NEK1: variants seen among roughly 807,000 people sequenced by gnomAD.
The protein encoded by NEK1 is serine/threonine-protein kinase Nek1.
NEK1 carries 137 observed loss-of-function variants against 182.1 expected under a neutral mutation model. The observed-to-expected ratio is 0.75, with a 90% confidence interval of 0.65 to 0.87. NEK1 has a LOEUF of 0.87. NEK1 is among the 40% of genes least tolerant of loss of function. The pLI is 0.00. For missense variants in NEK1, 1,391 were observed against 1,494.4 expected, an observed-to-expected ratio of 0.93 and a Z score of 1.14; for synonymous variants, 513 against 492.2, an observed-to-expected ratio of 1.04 and a Z score of -0.56.
chr4:169,443,639 C>T (rs1739961081), intron 27 of NEK1, among the ~76,000 whole-genome samples: 1 of 151,712 alleles, frequency 6.6e-6, no homozygotes, highest in Non-Finnish European at 1.5e-5. Flanking sequence ...GAAAATTTCC[C>T]AAGCCTTGTA....
At position 169,477,116 on chromosome 4, in the gene NEK1, A is replaced by C. The variant is rs768588839; in HGVS notation, c.2434+8T>G. The C allele has an allele frequency of 2.6e-6, 4 of 1,558,518 alleles. No individual in the cohort carries two copies. In the South Asian group the frequency reaches 4.7e-5, roughly 18 times the overall value. ...CTAAATAGGATATTAATATACTACTATACATACTTTCAGTTGTAGAGAAGG... is the reference window on the plus strand; with the variant it reads ...CTAAATAGGATATTAATATACTACTCTACATACTTTCAGTTGTAGAGAAGG... On this transcript the variant is annotated splice_region_variant and intron_variant, in intron 26 of 35. Coordinates refer to ENST00000507142, the MANE Select transcript of NEK1 (RefSeq NM_001199397.3).
chr4:169,462,286 C>A (rs948244065), intron 27 of NEK1, among the ~76,000 whole-genome samples: 1 of 152,002 alleles, frequency 6.6e-6, no homozygotes, highest in African/African-American at 2.4e-5. Flanking sequence ...GAAAAAGTTA[C>A]TAGTATTTTT....
chr4:169,602,536 A>G lies in NEK1; in HGVS notation c.95T>C (p.Ile32Thr), dbSNP rs780092991. 6.3e-7 allele frequency: 1 copy of G among 1,593,258 alleles called. No homozygotes were observed. The highest frequency in any genetic ancestry group is 8.6e-7 in the Non-Finnish European group (1 of 1,162,208). Residue 32 changes from isoleucine to threonine, a missense_variant, in exon 3 of 36, where the codon ATC becomes ACC. This residue lies in a region of NEK1 where 42 missense variants were observed against 47.9 expected (regional missense o/e 0.88). Transcript: ENST00000507142. ...KSTEDGRQYV[I>T]KEINISRMSS... ...TACTCTTGAGATGTTAATTTCCTTG[A>G]TAACATACTGTCTGCCATCTTCTGT...
At chr4:169,514,342 T>G (rs1001036635) in intron 19 of NEK1, among the ~76,000 whole-genome samples, 2 of 152,150 alleles carry the variant, frequency 1.3e-5, no homozygotes, top group African/African-American at 4.8e-5. Context: ...TGCTTTTCTG[T>G]GCTGTCTTTG....
intron 8 of NEK1, 143 bp downstream of exon 8, chr4:169,588,506 C>T: frequency 2.2e-6 from 1 of 464,936 alleles, no homozygotes; most frequent in Non-Finnish European, 3.9e-6. Flanking sequence ...TTCCCCTCAC[C>T]ATATATTAGC....
chr4:169,476,631 A>C (rs370642647), intron 26 of NEK1, among the ~76,000 whole-genome samples: 1 of 152,130 alleles, frequency 6.6e-6, no homozygotes, highest in Admixed American at 6.6e-5. Context: ...ACAAGAGCAC[A>C]TATGTTTCTG....
chr4:169,461,311 T>C (rs2149495676), intron 27 of NEK1, among the ~76,000 whole-genome samples: 1 of 152,266 alleles, frequency 6.6e-6, no homozygotes, highest in African/African-American at 2.4e-5. Context: ...CAATCTTTGA[T>C]ACACCCAAAA....
chr4:169,473,857 C>T (rs1282288142), intron 26 of NEK1, among the ~76,000 whole-genome samples: 1 of 152,092 alleles, frequency 6.6e-6, no homozygotes, highest in Non-Finnish European at 1.5e-5. Context: ...GATGTCGAAG[C>T]TGTAAATACA....
rs1266180030 is a variant in NEK1, at chr4:169,555,858, A to AT, written c.1431-8dup. Reference sequence around the variant, plus strand: ...AACTCCAGGCAGAATTCCTCTGTAGATAAATATGCACAGTGACTTTCATTA... The same window carrying AT: ...AACTCCAGGCAGAATTCCTCTGTAGATTAAATATGCACAGTGACTTTCATTA... On this transcript the variant is annotated splice_polypyrimidine_tract_variant and splice_region_variant and intron_variant, in intron 17 of 35. Coordinates refer to ENST00000507142, the MANE Select transcript of NEK1 (RefSeq NM_001199397.3). 2 of 1,613,844 alleles carry AT rather than the reference A, an allele frequency of 1.2e-6. No homozygotes were observed. The highest frequency in any genetic ancestry group is 2.7e-5 in the African/African-American group (2 of 74,936).
chr4:169,436,148 C>A (rs1738373229), intron 28 of NEK1, among the ~76,000 whole-genome samples: 1 of 152,198 alleles, frequency 6.6e-6, no homozygotes, highest in South Asian at 2.1e-4. Flanking sequence ...AAGCGATATG[C>A]CAGCCTTGGC....
chr4:169,404,613 T>A (rs1392752871), intron 32 of NEK1, among the ~76,000 whole-genome samples: 1 of 152,156 alleles, frequency 6.6e-6, no homozygotes, highest in Admixed American at 6.5e-5. Flanking sequence ...TAATATTTTA[T>A]AACTTTTTAT....
intron 10 of NEK1, among the ~76,000 whole-genome samples, chr4:169,581,645 A>C (rs1374728108): frequency 6.6e-6 from 1 of 152,154 alleles, no homozygotes; most frequent in Admixed American, 6.5e-5. Flanking sequence ...TGTAATGAAC[A>C]AGGTAGGCAT....
chr4:169,460,303 G>A (rs1250590662), intron 27 of NEK1, among the ~76,000 whole-genome samples: 1 of 151,548 alleles, frequency 6.6e-6, no homozygotes, highest in Non-Finnish European at 1.5e-5. Context: ...AAGGCAAGGA[G>A]GAGCAAGTCA....
intron 23 of NEK1, among the ~76,000 whole-genome samples, chr4:169,500,303 C>T (rs908368026): frequency 6.6e-6 from 1 of 152,166 alleles, no homozygotes; most frequent in Non-Finnish European, 1.5e-5. Context: ...TCTGTCACCC[C>T]TTTCTTTGAC....
At position 169,463,380 on chromosome 4, in the gene NEK1, T is replaced by C; in HGVS notation, c.2450A>G (p.Glu817Gly). Residue 817 changes from glutamate to glycine, a missense_variant, in exon 27 of 36, where the codon GAA becomes GGA. Glu to Gly is a moderately conservative substitution (Grantham distance 98). Coordinates refer to ENST00000507142, the MANE Select transcript of NEK1 (RefSeq NM_001199397.3). Reference protein sequence around the residue: ...FSTTERHTVGEVIKLGPNGSP... With the variant: ...FSTTERHTVGGVIKLGPNGSP... ...TCCATTAGGACCTAATTTAATAACT[T>C]CTCCCACTGTATGTCCTATAAGAAA... The C allele has an allele frequency of 3.7e-6, 6 of 1,605,074 alleles. No homozygotes were observed. Among genetic ancestry groups the C allele is most frequent in the Non-Finnish European group, 5.1e-6 (6 of 1,174,614 alleles).
At chr4:169,589,386 A>G in intron 7 of NEK1, 61 bp downstream of exon 7, 1 of 922,528 alleles carries the variant, frequency 1.1e-6, no homozygotes, top group South Asian at 1.5e-5. Context: ...CATATACATC[A>G]TCATGGATTG....
At chr4:169,426,987 A>AT (rs925054077) in intron 29 of NEK1, among the ~76,000 whole-genome samples, 4 of 151,984 alleles carry the variant, frequency 2.6e-5, no homozygotes, top group African/African-American at 4.8e-5. Flanking sequence ...AAATTCATGC[A>AT]TTTTTTTTAA....
chr4:169,600,031 G>C (rs1770217758), intron 4 of NEK1, among the ~76,000 whole-genome samples: 1 of 152,000 alleles, frequency 6.6e-6, no homozygotes, highest in Non-Finnish European at 1.5e-5. Flanking sequence ...CAGCTTAGAA[G>C]AACACTTTGA....
chr4:169,585,167 C>A (rs903919657), intron 10 of NEK1, among the ~76,000 whole-genome samples, 182 bp downstream of exon 10: 5 of 151,988 alleles, frequency 3.3e-5, no homozygotes, highest in African/African-American at 4.8e-5. Flanking sequence ...CCAGCCTGCA[C>A]AACAGAGCAA....
Sources: gnomAD v4.1 joint callset for allele counts (sites outside exome capture counted in the v4.1 genomes callset) on GRCh38, gnomAD v4.1.1 for gene constraint, gnomAD v4.1.1 regional missense constraint, MANE v1.5 for transcripts, NCBI Gene and HGNC (gene_info 2026-07-23, HGNC 2026-07-21) for gene names.